SLC23A2: variants seen among roughly 807,000 people sequenced by gnomAD.
SLC23A2 encodes the protein solute carrier family 23 member 2.
SLC23A2 carries 36 observed loss-of-function variants against 73.3 expected under a neutral mutation model. The ratio of observed to expected loss-of-function variants is 0.49; its 90% CI spans 0.38 to 0.65. The LOEUF (loss-of-function observed/expected upper bound fraction) is 0.65, where lower values mean the gene tolerates loss of function less well. Ranked by LOEUF, SLC23A2 falls within the 30% of genes least tolerant of loss-of-function variation. SLC23A2 has a pLI of 0.00. For synonymous variants in SLC23A2, 343 were observed against 327.3 expected, an observed-to-expected ratio of 1.05 and a Z score of -0.52; for missense variants, 507 against 841.6, an observed-to-expected ratio of 0.60 and a Z score of 4.92.
chr20:4,896,367 G>A (rs767430472), intron 6 of SLC23A2, among the ~76,000 whole-genome samples: 16 of 152,258 alleles, frequency 1.1e-4, no homozygotes, highest in Middle Eastern at 3.4e-3. Flanking sequence ...CCTGCTGGTC[G>A]GAGAGGAAGC....
chr20:4,927,918 G>A (rs1049854371), intron 3 of SLC23A2, among the ~76,000 whole-genome samples: 13 of 152,098 alleles, frequency 8.5e-5, no homozygotes, highest in Admixed American at 7.9e-4. Context: ...CTGTAACTTA[G>A]TCCCCTCACT....
chr20:4,857,563 G>T lies in SLC23A2; in HGVS notation c.1721-359C>A. 6.6e-6 allele frequency among the ~76,000 whole-genome samples: 1 copy of T among 152,032 alleles called. No individual in the cohort carries two copies. Among genetic ancestry groups the T allele is most frequent in the African/African-American group, 2.4e-5 (1 of 41,374 alleles). ...CTCAGGCCATGTTATTGCTTTCCTG[G>T]TTCATTCTATCGGTCTCCCATCTGG... is the stretch of plus-strand genomic sequence containing the variant. On this transcript the variant is annotated intron_variant, in intron 16 of 16. Coordinates refer to ENST00000338244, the MANE Select transcript of SLC23A2 (RefSeq NM_005116.6). The surrounding 1 kb of genome is among the most constrained non-coding windows in gnomAD (Gnocchi z 4.0).
upstream of SLC23A2, among the ~76,000 whole-genome samples, chr20:5,002,237 A>ACCC: frequency 1.3e-5 from 2 of 152,304 alleles, no homozygotes; most frequent in East Asian, 3.9e-4. Context: ...GACTTCATTA[A>ACCC]GATGCAGATG....
chr20:4,911,452 A>G (rs1932145738), intron 4 of SLC23A2, among the ~76,000 whole-genome samples: 1 of 152,194 alleles, frequency 6.6e-6, no homozygotes, highest in African/African-American at 2.4e-5. Context: ...TTTGTTCTTA[A>G]TCACTTTAGT....
At chr20:4,905,676 C>T (rs187771783) in intron 4 of SLC23A2, among the ~76,000 whole-genome samples, 1 of 152,330 alleles carries the variant, frequency 6.6e-6, no homozygotes, top group Non-Finnish European at 1.5e-5. Flanking sequence ...TTTATCTAGT[C>T]TAGCACCTTT....
rs1235160063 is a variant in SLC23A2, at chr20:4,947,590, G to T, written c.-154-14874C>A. Reference sequence around the variant, plus strand: ...CCAGGCACAAACATGGTTTCACTTAGCCCTTATAAAAATTCTGGGAGGGGT... The same window carrying T: ...CCAGGCACAAACATGGTTTCACTTATCCCTTATAAAAATTCTGGGAGGGGT... On this transcript the variant is annotated intron_variant, in intron 2 of 16. Transcript: ENST00000338244. This position sits in a 1 kb window ranked among gnomAD's most constrained non-coding sequence, Gnocchi z 4.4. Among the ~76,000 whole-genome samples the T allele has an allele frequency of 6.6e-6, 1 of 152,150 alleles. No individual in the cohort carries two copies. Among genetic ancestry groups the T allele is most frequent in the Non-Finnish European group, 1.5e-5 (1 of 68,020 alleles).
intron 3 of SLC23A2, among the ~76,000 whole-genome samples, chr20:4,921,588 A>T (rs1453030063): frequency 6.6e-6 from 1 of 151,406 alleles, no homozygotes; most frequent in Non-Finnish European, 1.5e-5. Flanking sequence ...CCTGTCTCAA[A>T]CAACAATCAC....
chr20:4,919,007 C>T (rs1027273014), intron 3 of SLC23A2, among the ~76,000 whole-genome samples: 8 of 152,128 alleles, frequency 5.3e-5, no homozygotes, highest in African/African-American at 1.7e-4. Context: ...ATAATAGATT[C>T]GTGTTTCCCA....
intron 9 of SLC23A2, among the ~76,000 whole-genome samples, chr20:4,882,506 G>A (rs1696691166): frequency 6.6e-6 from 1 of 152,010 alleles, no homozygotes; most frequent in Non-Finnish European, 1.5e-5. Flanking sequence ...AATTTGTAAA[G>A]TGTAGATAAC....
At chr20:4,940,153 A>C (rs1160372101) in intron 2 of SLC23A2, among the ~76,000 whole-genome samples, 1 of 152,004 alleles carries the variant, frequency 6.6e-6, no homozygotes, top group Non-Finnish European at 1.5e-5. Flanking sequence ...CCCTATCTCT[A>C]CCAAAAATAC....
chr20:4,860,506 G>C (rs1929915995), intron 15 of SLC23A2, among the ~76,000 whole-genome samples: 2 of 152,214 alleles, frequency 1.3e-5, no homozygotes, highest in Non-Finnish European at 2.9e-5. Context: ...TGTTAAAGAA[G>C]ATCCATCCAG....
chr20:4,928,980 G>A lies in SLC23A2; in HGVS notation c.108+3475C>T, dbSNP rs149787113. 5.5e-3 allele frequency among the ~76,000 whole-genome samples: 841 copies of A among 152,296 alleles called. 9 individuals carry two copies. The highest frequency in any genetic ancestry group is 0.019 in the African/African-American group (786 of 41,548). ...CAAGAAACATGTATGGGCTGGGCACGGTGGCTCACGCCTGTAATCCCAACA... is the reference window on the plus strand; with the variant it reads ...CAAGAAACATGTATGGGCTGGGCACAGTGGCTCACGCCTGTAATCCCAACA... On this transcript the variant is annotated intron_variant, in intron 3 of 16. Coordinates refer to ENST00000338244, the MANE Select transcript of SLC23A2 (RefSeq NM_005116.6).
At chr20:4,933,752 G>A (rs1015470940) in intron 2 of SLC23A2, among the ~76,000 whole-genome samples, 1 of 152,112 alleles carries the variant, frequency 6.6e-6, no homozygotes, top group African/African-American at 2.4e-5. Context: ...AACAGGTAAG[G>A]GTGGGAAGGG....
chr20:4,905,305 G>A (rs1448029905), intron 4 of SLC23A2, among the ~76,000 whole-genome samples: 2 of 152,130 alleles, frequency 1.3e-5, no homozygotes, highest in East Asian at 3.9e-4. Context: ...GGGCTGTGTG[G>A]TCAAGAGGAT....
chr20:4,866,068 G>A (rs1930185355), intron 13 of SLC23A2, among the ~76,000 whole-genome samples: 1 of 152,072 alleles, frequency 6.6e-6, no homozygotes, highest in Non-Finnish European at 1.5e-5. Context: ...CCTGACCTCA[G>A]GTGATCTGCC....
rs1197036148 is a variant in SLC23A2 at position 4,883,057 on chromosome 20, C to A, written c.824+585G>T. Among the ~76,000 whole-genome samples the A allele has an allele frequency of 6.7e-6, 1 of 150,258 alleles. No individual in the cohort carries two copies. The highest frequency in any genetic ancestry group is 1.5e-5 in the Non-Finnish European group (1 of 67,978). ...TCATTAACACAAAATGTTAACTTTA[C>A]TTAAAGGGCAAGGGACATCTTTAAT... On this transcript the variant is annotated intron_variant, in intron 9 of 16. Transcript: ENST00000338244. This position sits in a 1 kb window ranked among gnomAD's most constrained non-coding sequence, Gnocchi z 4.5.
chr20:4,867,625 TAAAA>T (rs11476144), intron 13 of SLC23A2, 141 bp downstream of exon 13: 1,181 of 294,950 alleles, frequency 4.0e-3, no homozygotes, highest in South Asian at 6.3e-3. Flanking sequence ...TATAAACACT[TAAAA>T]AAAAAAAAAA....
At position 4,859,371 on chromosome 20, in the gene SLC23A2, G is replaced by A. The variant is rs144580923; in HGVS notation, c.1638C>T (p.Ile546=). ...QNPLVTGITG[I]DQVLNVLLTT... is the part of the protein sequence containing the mutation. ...TGAGAAGGACGTTCAACACTTGATC[G>A]ATTCCTGTTATCCCTAGAAAGAGAA... The change falls in exon 16 of 17, where the codon ATC becomes ATT. Residue 546 remains isoleucine, a synonymous_variant. Transcript: ENST00000338244. 13 of 1,609,950 alleles carry A rather than the reference G, an allele frequency of 8.1e-6. No homozygotes were observed. The Admixed American group carries it at 8.3e-5, about 10-fold the overall frequency.
intron 1 of SLC23A2, among the ~76,000 whole-genome samples, chr20:4,986,249 C>T (rs1418250518): frequency 6.6e-6 from 1 of 152,058 alleles, no homozygotes; most frequent in Admixed American, 6.6e-5. Context: ...ATGGTTTGAA[C>T]CCAGGAGTTC....
Sources: gnomAD v4.1 joint callset for allele counts (sites outside exome capture counted in the v4.1 genomes callset) on GRCh38, gnomAD v4.1.1 for gene constraint, Gnocchi (gnomAD v3.1) non-coding constraint, MANE v1.5 for transcripts, NCBI Gene and HGNC (gene_info 2026-07-23, HGNC 2026-07-21) for gene names.